Variants in POLDIP3 observed in about 807,000 individuals in gnomAD.
The protein encoded by POLDIP3 is DNA polymerase delta interacting protein 3.
Under a neutral mutation model 45.1 loss-of-function variants are expected in POLDIP3, and 14 were observed. The ratio of observed to expected loss-of-function variants is 0.31; its 90% CI spans 0.20 to 0.49. POLDIP3 has a LOEUF of 0.49. Ranked by LOEUF, POLDIP3 falls within the 20% of genes least tolerant of loss-of-function variation. The pLI is 0.99. For synonymous variants in POLDIP3, 223 were observed against 205.2 expected, an observed-to-expected ratio of 1.09 and a Z score of -0.74; for missense variants, 511 against 538.8, an observed-to-expected ratio of 0.95 and a Z score of 0.51.
At chr22:42,611,626 G>C (rs969509901) in intron 1 of POLDIP3, among the ~76,000 whole-genome samples, 4 of 152,228 alleles carry the variant, frequency 2.6e-5, no homozygotes, top group Non-Finnish European at 5.9e-5. Flanking sequence ...AGGCACGGTG[G>C]CACTTTGGGA....
rs1925219523 is a variant in POLDIP3, at chr22:42,585,156, C to A, written c.*635G>T. 3 of 453,238 alleles carry A rather than the reference C, an allele frequency of 6.6e-6. No homozygotes were observed. The highest frequency in any genetic ancestry group is 3.2e-5 in the South Asian group (2 of 63,386). 28.1% of individuals were successfully genotyped at this position (453,238 alleles called of 1,614,324 possible). ...GTGGAGACGACACGGGACTCCAAGC[C>A]AAGAGCTTAGATAGACTCTTCCCAG... On this transcript the variant is annotated 3_prime_UTR_variant, in exon 9 of 9. Coordinates refer to ENST00000252115, the MANE Select transcript of POLDIP3 (RefSeq NM_032311.5).
intron 1 of POLDIP3, among the ~76,000 whole-genome samples, chr22:42,605,472 T>C (rs1042466025): frequency 6.6e-6 from 1 of 152,260 alleles, no homozygotes; most frequent in Non-Finnish European, 1.5e-5. Flanking sequence ...TTTCTTATAG[T>C]AGCCTAAACG....
At chr22:42,614,753 A>C in intron 1 of POLDIP3, 46 bp downstream of exon 1, 1 of 1,603,914 alleles carries the variant, frequency 6.2e-7, no homozygotes, top group Middle Eastern at 1.7e-4. Context: ...CTCGAGCTCC[A>C]CTAGGCCGAG....
In POLDIP3 at chr22:42,583,828, T is replaced by TA. The variant is rs1925118625; in HGVS notation, c.*1962dup. The TA allele has an allele frequency of 6.6e-6, 1 of 152,126 alleles. No homozygotes were observed. Among genetic ancestry groups the TA allele is most frequent in the South Asian group, 2.1e-4 (1 of 4,806 alleles). The allele number at this position is 152,126 out of a possible 1,614,324, so 9.4% of individuals were successfully genotyped here. On this transcript the variant is annotated 3_prime_UTR_variant, in exon 9 of 9. Coordinates refer to ENST00000252115, the MANE Select transcript of POLDIP3 (RefSeq NM_032311.5). ...GCACAGGAGACACAGATGGGTAACA[T>TA]AGAGGCATGGGAAGTGGAGGAGGAC...
chr22:42,587,478 T>TC (rs772155895), intron 8 of POLDIP3, 28 bp downstream of exon 8: 8 of 1,598,182 alleles, frequency 5.0e-6, no homozygotes, highest in Non-Finnish European at 6.9e-6. Flanking sequence ...GAGCTGCCTC[T>TC]CCCCAGCACC....
chr22:42,585,859 T>G lies in POLDIP3; in HGVS notation c.1198A>C (p.Lys400Gln). ...PAEVDPDTIL[K>Q]ALFKSSGASV... is the part of the protein sequence containing the mutation. ...GCCCCTGAGGACTTGAAGAGTGCCT[T>G]CAGGATGGTGTCAGGGTCCACTTCG... is the stretch of plus-strand genomic sequence containing the variant. The change falls in exon 9 of 9, where the codon AAG becomes CAG. Residue 400 changes from lysine (K) to glutamine (Q), a missense_variant. Transcript: ENST00000252115. 2 of 1,613,268 alleles carry G rather than the reference T, an allele frequency of 1.2e-6. No homozygotes were observed. The highest frequency in any genetic ancestry group is 1.7e-6 in the Non-Finnish European group (2 of 1,179,982).
At chr22:42,608,047 C>T (rs957544074) in intron 1 of POLDIP3, among the ~76,000 whole-genome samples, 2 of 152,210 alleles carry the variant, frequency 1.3e-5, no homozygotes, top group South Asian at 2.1e-4. Flanking sequence ...GCCGCCACCC[C>T]GTCTGGGAGG....
At chr22:42,598,880 A>C (rs1048371695) in intron 4 of POLDIP3, among the ~76,000 whole-genome samples, 7 of 152,222 alleles carry the variant, frequency 4.6e-5, no homozygotes, top group Admixed American at 6.5e-5. Context: ...TGATGATCCC[A>C]GATGTTGTTT....
intron 1 of POLDIP3, among the ~76,000 whole-genome samples, chr22:42,605,777 C>T (rs1005210276): frequency 6.6e-6 from 1 of 152,144 alleles, no homozygotes; most frequent in Non-Finnish European, 1.5e-5. Flanking sequence ...GACTGGGCTA[C>T]CCTAGGCTTC....
chr22:42,607,532 C>T (rs975104136), intron 1 of POLDIP3, among the ~76,000 whole-genome samples: 1 of 152,214 alleles, frequency 6.6e-6, no homozygotes, highest in African/African-American at 2.4e-5. Context: ...GCTGCCACCC[C>T]GTCTGGGAAG....
chr22:42,603,398 CTAGTTAA>C (rs1282000823), intron 1 of POLDIP3, among the ~76,000 whole-genome samples: 1 of 106,086 alleles, frequency 9.4e-6, no homozygotes, highest in Non-Finnish European at 2.0e-5. Context: ...AGTTTTATTC[CTAGTTAA>C]GAGTGTTTTG....
intron 3 of POLDIP3, among the ~76,000 whole-genome samples, chr22:42,601,615 G>T (rs2146822165): frequency 6.6e-6 from 1 of 152,180 alleles, no homozygotes; most frequent in South Asian, 2.1e-4. Flanking sequence ...ACAAAAATTA[G>T]CTGGGTGTGG....
At chr22:42,599,199 G>C (rs1313923627) in intron 4 of POLDIP3, among the ~76,000 whole-genome samples, 2 of 152,236 alleles carry the variant, frequency 1.3e-5, no homozygotes, top group Non-Finnish European at 2.9e-5. Context: ...GTGGGACCTT[G>C]AACAAATCAG....
chr22:42,594,721 C>T (rs1235102989), intron 6 of POLDIP3, among the ~76,000 whole-genome samples: 2 of 152,300 alleles, frequency 1.3e-5, no homozygotes, highest in East Asian at 1.9e-4. Flanking sequence ...TAGCTGCATC[C>T]AGAACCCCGC....
At chr22:42,605,896 C>A (rs991842743) in intron 1 of POLDIP3, among the ~76,000 whole-genome samples, 1 of 152,176 alleles carries the variant, frequency 6.6e-6, no homozygotes, top group African/African-American at 2.4e-5. Flanking sequence ...AATCCCAGCA[C>A]TTTGGGAGGC....
chr22:42,586,306 G>A lies in POLDIP3; in HGVS notation c.1089-338C>T, dbSNP rs116850001. On this transcript the variant is annotated intron_variant, in intron 8 of 8. Coordinates refer to ENST00000252115, the MANE Select transcript of POLDIP3 (RefSeq NM_032311.5). The stretch of plus-strand genomic sequence containing the variant: ...TATTTACTGATGAGAAAATGGAGAC[G>A]CAGGCAGTGCTGTATGTTCTAGGGT... Among the ~76,000 whole-genome samples, 723 of 151,140 alleles carry A rather than the reference G, an allele frequency of 4.8e-3. 5 individuals are homozygous for A. Among genetic ancestry groups the A allele is most frequent in the Non-Finnish European group, 7.8e-3 (528 of 67,980 alleles).
At chr22:42,594,838 C>T (rs1477050906) in intron 6 of POLDIP3, among the ~76,000 whole-genome samples, 2 of 152,192 alleles carry the variant, frequency 1.3e-5, no homozygotes, top group Admixed American at 1.3e-4. Flanking sequence ...TTGGAATCAT[C>T]TTGTAATACC....
intron 1 of POLDIP3, among the ~76,000 whole-genome samples, chr22:42,607,051 G>A (rs1032566473): frequency 1.3e-5 from 2 of 152,178 alleles, no homozygotes; most frequent in African/African-American, 2.4e-5. Flanking sequence ...GATCGCTTGA[G>A]CCCAGGTGTT....
intron 1 of POLDIP3, among the ~76,000 whole-genome samples, chr22:42,610,437 G>T (rs554037292): frequency 2.6e-5 from 4 of 152,278 alleles, no homozygotes; most frequent in African/African-American, 9.6e-5. Context: ...GGACTCCCCA[G>T]ATGAGGCGTC....
Sources: gnomAD v4.1 joint callset for allele counts (sites outside exome capture counted in the v4.1 genomes callset) on GRCh38, gnomAD v4.1.1 for gene constraint, MANE v1.5 for transcripts, NCBI Gene and HGNC (gene_info 2026-07-23, HGNC 2026-07-21) for gene names.